The following BCAS3 variants were observed in gnomAD, a reference collection of about 807,000 sequenced individuals.
BCAS3 encodes the protein BCAS3 microtubule associated cell migration factor, also known as BCAS4/BCAS3 fusion.
BCAS3 carries 53 observed loss-of-function variants against 116.1 expected under a neutral mutation model. The observed-to-expected ratio is 0.46, with a 90% CI of 0.37 to 0.57. The LOEUF is 0.57. BCAS3 is among the 20% of genes least tolerant of loss of function. The probability of loss-of-function intolerance (pLI) is 0.00; values close to 1 mark genes in which losing one functional copy is unlikely to be tolerated. For synonymous variants in BCAS3, 391 were observed against 408.2 expected, an observed-to-expected ratio of 0.96 and a Z score of 0.51; for missense variants, 917 against 1,165.4, an observed-to-expected ratio of 0.79 and a Z score of 3.10.
At position 61,196,957 on chromosome 17, in the gene BCAS3, T is replaced by C. The variant is rs1362828698; in HGVS notation, c.2425+112393T>C. Among the ~76,000 whole-genome samples, 4 of 152,208 alleles carry C rather than the reference T, an allele frequency of 2.6e-5. No homozygotes were observed. Among genetic ancestry groups the C allele is most frequent in the Admixed American group, 2.0e-4 (3 of 15,284 alleles). On this transcript the variant is annotated intron_variant, in intron 22 of 23. Coordinates refer to ENST00000407086, the MANE Select transcript of BCAS3 (RefSeq NM_017679.5). This position sits in a 1 kb window ranked among gnomAD's most constrained non-coding sequence, Gnocchi z 4.7. ...CATTCAATGCTAGAGAAGATAATAA[T>C]TGTGGTGTTGGCTCACTCCCAGAAT...
At position 61,313,995 on chromosome 17, in the gene BCAS3, T is replaced by C. The variant is rs1482145976; in HGVS notation, c.2426-54332T>C. 1.3e-5 allele frequency among the ~76,000 whole-genome samples: 2 copies of C among 152,164 alleles called. No individual in the cohort carries two copies. Among genetic ancestry groups the C allele is most frequent in the Non-Finnish European group, 2.9e-5 (2 of 68,038 alleles). On this transcript the variant is annotated intron_variant, in intron 22 of 23. Coordinates refer to ENST00000407086, the MANE Select transcript of BCAS3 (RefSeq NM_017679.5). This position sits in a 1 kb window ranked among gnomAD's most constrained non-coding sequence, Gnocchi z 4.3. ...ATTCCTCTTTTCCATTCAAAGAAAA[T>C]CTTACTTGCCTTCTGCCCAACAATT...
intron 7 of BCAS3, among the ~76,000 whole-genome samples, chr17:60,854,507 A>G (rs576404988): frequency 6.6e-6 from 1 of 152,302 alleles, no homozygotes; most frequent in Admixed American, 6.5e-5. Flanking sequence ...TACAAGAAAA[A>G]AACAACCCCA....
chr17:61,213,567 C>T lies in BCAS3; in HGVS notation c.2425+129003C>T, dbSNP rs191443019. 1.3e-3 allele frequency among the ~76,000 whole-genome samples: 197 copies of T among 152,276 alleles called. 1 individual carries two copies. The highest frequency in any genetic ancestry group is 4.3e-3 in the African/African-American group (180 of 41,548). ...AAAGAAAAAGTATTGCTATAACCAT[C>T]CTACTTCAAATTCCTAGAATAATCT... On this transcript the variant is annotated intron_variant, in intron 22 of 23. Coordinates refer to ENST00000407086, the MANE Select transcript of BCAS3 (RefSeq NM_017679.5). This position sits in a 1 kb window ranked among gnomAD's most constrained non-coding sequence, Gnocchi z 5.4.
In BCAS3 at chr17:61,204,116, G is replaced by A. The variant is rs755134923; in HGVS notation, c.2425+119552G>A. Among the ~76,000 whole-genome samples, 15 of 152,144 alleles carry A rather than the reference G, an allele frequency of 9.9e-5. No individual in the cohort carries two copies. Among genetic ancestry groups the A allele is most frequent in the Non-Finnish European group, 2.1e-4 (14 of 68,034 alleles). The stretch of plus-strand genomic sequence containing the variant: ...ACTCTTCATCCTCCTCAGCTCACCA[G>A]AGTCACTCAGTCTCTGAGCCAAACC... On this transcript the variant is annotated intron_variant, in intron 22 of 23. Coordinates refer to ENST00000407086, the MANE Select transcript of BCAS3 (RefSeq NM_017679.5). This position sits in a 1 kb window ranked among gnomAD's most constrained non-coding sequence, Gnocchi z 4.2.
intron 6 of BCAS3, among the ~76,000 whole-genome samples, chr17:60,758,570 C>T (rs1037048280): frequency 2.6e-5 from 4 of 151,982 alleles, no homozygotes; most frequent in Non-Finnish European, 2.9e-5. Context: ...TTGGTAGAGA[C>T]GGAGTTTTGT....
At chr17:60,741,157 C>T (rs907809024) in intron 5 of BCAS3, among the ~76,000 whole-genome samples, 2 of 152,134 alleles carry the variant, frequency 1.3e-5, no homozygotes, top group Admixed American at 1.3e-4. Flanking sequence ...TCTGTATCTG[C>T]CTGTTTGTCT....
In BCAS3 at chr17:61,068,716, T is replaced by C. The variant is rs1222983553; in HGVS notation, c.2030-6204T>C. Among the ~76,000 whole-genome samples the C allele has an allele frequency of 6.6e-6, 1 of 152,230 alleles. No homozygotes were observed. Among genetic ancestry groups the C allele is most frequent in the Admixed American group, 6.5e-5 (1 of 15,278 alleles). On this transcript the variant is annotated intron_variant, in intron 19 of 23. Transcript: ENST00000407086. The surrounding 1 kb of genome is among the most constrained non-coding windows in gnomAD (Gnocchi z 4.3). ...GTCCCTAAAACTTCTTCTGGGATTC[T>C]GTCGTTTCCCACTCCTCTTTGTGAC...
intron 16 of BCAS3, 44 bp downstream of exon 16, chr17:61,015,945 G>T: frequency 3.2e-6 from 5 of 1,541,748 alleles, no homozygotes; most frequent in South Asian, 1.2e-5. Flanking sequence ...TGTTTTATAG[G>T]GTTGAATGAA....
rs78698623 is a variant in BCAS3 at position 61,230,745 on chromosome 17, T to C, written c.2426-137582T>C. 7.5e-3 allele frequency among the ~76,000 whole-genome samples: 1,146 copies of C among 152,282 alleles called. 13 individuals carry two copies. The highest frequency in any genetic ancestry group is 0.026 in the African/African-American group (1,071 of 41,550). The stretch of plus-strand genomic sequence containing the variant: ...TTTACTATTGTGAATAGTGTGGCAG[T>C]GAACATAGGAGTGCAGGTATCTTTT... On this transcript the variant is annotated intron_variant, in intron 22 of 23. Coordinates refer to ENST00000407086, the MANE Select transcript of BCAS3 (RefSeq NM_017679.5).
At chr17:61,328,070 G>A (rs2055882234) in intron 22 of BCAS3, among the ~76,000 whole-genome samples, 1 of 151,064 alleles carries the variant, frequency 6.6e-6, no homozygotes, top group Non-Finnish European at 1.5e-5. Flanking sequence ...AACGGCAAAG[G>A]AAAAAAAATG....
At chr17:60,828,988 C>T (rs2050676180) in intron 7 of BCAS3, among the ~76,000 whole-genome samples, 1 of 151,916 alleles carries the variant, frequency 6.6e-6, no homozygotes, top group South Asian at 2.1e-4. Context: ...ACTGTGCATC[C>T]TATAATTTGC....
rs1465403808 is a variant in BCAS3 at position 61,368,525 on chromosome 17, T to G, written c.2593+31T>G. On this transcript the variant is annotated intron_variant, in intron 23 of 23. Coordinates refer to ENST00000407086, the MANE Select transcript of BCAS3 (RefSeq NM_017679.5). This position sits in a 1 kb window ranked among gnomAD's most constrained non-coding sequence, Gnocchi z 6.0. Reference sequence around the variant, plus strand: ...GGTGTCATCAGACTTCTAGCCTGATTTGGTCAGGACCAGCACCTGTTGGTG... The same window carrying G: ...GGTGTCATCAGACTTCTAGCCTGATGTGGTCAGGACCAGCACCTGTTGGTG... 1.3e-6 allele frequency: 2 copies of G among 1,572,154 alleles called. No individual in the cohort carries two copies. The highest frequency in any genetic ancestry group is 3.4e-5 in the Admixed American group (2 of 58,378).
chr17:61,160,019 C>G (rs1329591831), intron 22 of BCAS3, among the ~76,000 whole-genome samples: 1 of 136,642 alleles, frequency 7.3e-6, no homozygotes, highest in Admixed American at 7.5e-5. Flanking sequence ...TAGTGACAGT[C>G]TCGCTGGTAT....
intron 22 of BCAS3, among the ~76,000 whole-genome samples, chr17:61,351,616 G>C (rs1241021512): frequency 3.9e-5 from 6 of 152,192 alleles, no homozygotes; most frequent in Non-Finnish European, 7.3e-5. Context: ...GGACATACTA[G>C]AGCTAGATCG....
At chr17:61,373,787 G>T (rs2059178271) in intron 23 of BCAS3, among the ~76,000 whole-genome samples, 1 of 121,612 alleles carries the variant, frequency 8.2e-6, no homozygotes, top group Non-Finnish European at 1.7e-5. Context: ...GTTTGCTGCT[G>T]TTAACTTCTT....
intron 22 of BCAS3, among the ~76,000 whole-genome samples, chr17:61,280,702 T>TTG (rs1179025352): frequency 2.0e-5 from 3 of 152,292 alleles, no homozygotes; most frequent in South Asian, 4.1e-4. Flanking sequence ...ATTGGCATTG[T>TTG]TGTGTGTGTG....
At chr17:60,830,856 T>TC (rs2050855202) in intron 7 of BCAS3, among the ~76,000 whole-genome samples, 1 of 151,966 alleles carries the variant, frequency 6.6e-6, no homozygotes, top group Non-Finnish European at 1.5e-5. Context: ...TTGGGTTTTT[T>TC]TTTTTTTTTA....
chr17:61,238,690 A>G (rs574653819), intron 22 of BCAS3, among the ~76,000 whole-genome samples: 109 of 152,026 alleles, frequency 7.2e-4, no homozygotes, highest in Non-Finnish European at 1.2e-3. Flanking sequence ...ATGGCTCTCC[A>G]TTTCCCAGTT....
In BCAS3 at chr17:60,995,154, ATTCTT is replaced by A. The variant is rs1377476960; in HGVS notation, c.1486+4932_1486+4936del. Among the ~76,000 whole-genome samples the A allele has an allele frequency of 2.0e-5, 3 of 151,250 alleles. No individual in the cohort carries two copies. The highest frequency in any genetic ancestry group is 6.6e-5 in the Admixed American group (1 of 15,182). Reference sequence around the variant, plus strand: ...CACCATGCCCAGCTAATTCTATTCTATTCTTTTCTTTTCTTTTAGACGGAGTCTTG... The same window carrying A: ...CACCATGCCCAGCTAATTCTATTCTATTCTTTTCTTTTAGACGGAGTCTTG... On this transcript the variant is annotated intron_variant, in intron 15 of 23. Transcript: ENST00000407086. This position sits in a 1 kb window ranked among gnomAD's most constrained non-coding sequence, Gnocchi z 4.7.
Sources: gnomAD v4.1 joint callset for allele counts (sites outside exome capture counted in the v4.1 genomes callset) on GRCh38, gnomAD v4.1.1 for gene constraint, Gnocchi (gnomAD v3.1) non-coding constraint, MANE v1.5 for transcripts, NCBI Gene and HGNC (gene_info 2026-07-23, HGNC 2026-07-21) for gene names.